Variants in PALLD observed in about 807,000 individuals in gnomAD.
PALLD encodes the protein palladin.
In PALLD, 61 loss-of-function variants were observed where a neutral mutation model predicts 123.5. The ratio of observed to expected loss-of-function variants is 0.49; its 90% CI spans 0.40 to 0.61. PALLD has a LOEUF of 0.61. Ranked by LOEUF, PALLD falls within the 20% of genes least tolerant of loss-of-function variation. The probability of loss-of-function intolerance (pLI) is 0.00; values close to 1 mark genes in which losing one functional copy is unlikely to be tolerated. For missense variants in PALLD, 1,273 were observed against 1,377.0 expected, an observed-to-expected ratio of 0.92 and a Z score of 1.20; for synonymous variants, 465 against 496.4, an observed-to-expected ratio of 0.94 and a Z score of 0.84.
At chr4:168,564,088 G>A (rs1265463712) in intron 2 of PALLD, among the ~76,000 whole-genome samples, 2 of 152,198 alleles carry the variant, frequency 1.3e-5, no homozygotes, top group Non-Finnish European at 2.9e-5. Flanking sequence ...AGGATGAGAA[G>A]ATGAGAGTTT....
chr4:168,731,103 C>T (rs149324009), intron 10 of PALLD, among the ~76,000 whole-genome samples: 40 of 152,284 alleles, frequency 2.6e-4, no homozygotes, highest in African/African-American at 9.1e-4. Context: ...GTTTCTGCTG[C>T]TCACGTTAGC....
chr4:168,508,736 T>TA (rs1561188026), intron 1 of PALLD, among the ~76,000 whole-genome samples: 1 of 152,074 alleles, frequency 6.6e-6, no homozygotes, highest in African/African-American at 2.4e-5. Flanking sequence ...AATGAAAATA[T>TA]AGTCTGTTGT....
intron 2 of PALLD, among the ~76,000 whole-genome samples, chr4:168,653,694 T>A (rs1778275771): frequency 6.9e-6 from 1 of 145,510 alleles, no homozygotes; most frequent in Non-Finnish European, 1.5e-5. Context: ...TATCGTTTGC[T>A]TGTTTGTTTG....
At chr4:168,506,957 T>C (rs142339229) in intron 1 of PALLD, among the ~76,000 whole-genome samples, 3 of 152,204 alleles carry the variant, frequency 2.0e-5, no homozygotes, top group African/African-American at 7.2e-5. Flanking sequence ...ATTCGAAGGA[T>C]TCTATCTTCT....
intron 2 of PALLD, among the ~76,000 whole-genome samples, chr4:168,634,696 G>A (rs1776169039): frequency 1.3e-5 from 2 of 152,200 alleles, no homozygotes; most frequent in South Asian, 4.1e-4. Flanking sequence ...TTTGCGGTCA[G>A]AGTGATTTGG....
At chr4:168,810,151 G>A (rs1471413760) in intron 10 of PALLD, among the ~76,000 whole-genome samples, 1 of 152,088 alleles carries the variant, frequency 6.6e-6, no homozygotes, top group Non-Finnish European at 1.5e-5. Flanking sequence ...AAGATCGTAA[G>A]AGGTTGAGAG....
intron 2 of PALLD, among the ~76,000 whole-genome samples, chr4:168,608,142 T>A (rs17054383): frequency 0.01 from 1,537 of 152,268 alleles, 19 homozygotes; most frequent in African/African-American, 0.032. Flanking sequence ...TAGAGCAGGG[T>A]CGCATTGGGA....
At chr4:168,563,390 T>G (rs1278857035) in intron 2 of PALLD, among the ~76,000 whole-genome samples, 1 of 152,188 alleles carries the variant, frequency 6.6e-6, no homozygotes, top group African/African-American at 2.4e-5. Flanking sequence ...TAAAGACACA[T>G]AGACCATAAC....
chr4:168,683,736 T>C (rs557121208), intron 5 of PALLD, among the ~76,000 whole-genome samples: 1 of 152,268 alleles, frequency 6.6e-6, no homozygotes, highest in Non-Finnish European at 1.5e-5. Flanking sequence ...TTAATGAATA[T>C]GTTCAAAGAC....
intron 17 of PALLD, among the ~76,000 whole-genome samples, chr4:168,920,484 A>C (rs1447496248): frequency 2.0e-5 from 3 of 152,130 alleles, no homozygotes; most frequent in Non-Finnish European, 1.5e-5. Flanking sequence ...TTTGTATATA[A>C]CTTCGTACTA....
intron 2 of PALLD, among the ~76,000 whole-genome samples, chr4:168,523,015 C>A (rs1302231300): frequency 6.6e-6 from 1 of 152,094 alleles, no homozygotes; most frequent in African/African-American, 2.4e-5. Context: ...CAGAAACAAG[C>A]TTCCAGTCAC....
At chr4:168,525,746 G>A (rs1052548498) in intron 2 of PALLD, among the ~76,000 whole-genome samples, 3 of 152,170 alleles carry the variant, frequency 2.0e-5, no homozygotes, top group African/African-American at 7.2e-5. Context: ...TTCCACAGAA[G>A]AAGAATGAGA....
At chr4:168,503,548 G>A (rs1360941423) in intron 1 of PALLD, among the ~76,000 whole-genome samples, 3 of 151,864 alleles carry the variant, frequency 2.0e-5, no homozygotes, top group African/African-American at 7.3e-5. Context: ...TCAGGAGGCT[G>A]AGGCAAGAGA....
At chr4:168,703,713 A>C (rs1278488917) in intron 8 of PALLD, among the ~76,000 whole-genome samples, 77 of 142,820 alleles carry the variant, frequency 5.4e-4, no homozygotes, top group African/African-American at 2.0e-3. Context: ...TCTTCTTTTG[A>C]GAAGTGTCTG....
Position 168,715,881 on chromosome 4 carries a change from C to T in PALLD, c.1964+3958C>T, listed in dbSNP as rs569360602. ...AGGAGAATGGCGTGAACCCGGAGGG[C>T]GGAGCCTGCAGTGAGCCGAGATAGC... On this transcript the variant is annotated intron_variant, in intron 10 of 21. Coordinates refer to ENST00000505667, the MANE Select transcript of PALLD (RefSeq NM_001166108.2). Among the ~76,000 whole-genome samples the T allele has an allele frequency of 1.4e-3, 219 of 151,978 alleles. 1 individual carries two copies. Among genetic ancestry groups the T allele is most frequent in the Non-Finnish European group, 2.2e-3 (148 of 67,964 alleles).
At chr4:168,637,607 C>T (rs1368119246) in intron 2 of PALLD, among the ~76,000 whole-genome samples, 3 of 152,032 alleles carry the variant, frequency 2.0e-5, no homozygotes, top group Admixed American at 1.3e-4. Context: ...CTTGATTTCT[C>T]ATCTGTGAAA....
At chr4:168,649,546 G>A (rs567126900) in intron 2 of PALLD, among the ~76,000 whole-genome samples, 1 of 152,228 alleles carries the variant, frequency 6.6e-6, no homozygotes, top group South Asian at 2.1e-4. Flanking sequence ...TTTGCTTTCT[G>A]TGCCTCCACA....
At chr4:168,665,798 C>T (rs896812609) in intron 2 of PALLD, among the ~76,000 whole-genome samples, 1 of 152,142 alleles carries the variant, frequency 6.6e-6, no homozygotes, top group Non-Finnish European at 1.5e-5. Context: ...CAGGACCACA[C>T]TTTGAGGAGC....
At chr4:168,776,936 C>T (rs1442128133) in intron 10 of PALLD, among the ~76,000 whole-genome samples, 1 of 152,144 alleles carries the variant, frequency 6.6e-6, no homozygotes, top group Non-Finnish European at 1.5e-5. Context: ...GGATCCCAAT[C>T]TGGCTTGTTA....
Sources: allele counts gnomAD v4.1 joint callset (sites outside exome capture counted in the v4.1 genomes callset), GRCh38; gene constraint gnomAD v4.1.1; transcripts MANE v1.5; gene names NCBI Gene and HGNC (gene_info 2026-07-23, HGNC 2026-07-21).